SULF1: variants seen among roughly 807,000 people sequenced by gnomAD.
SULF1 encodes the protein sulfatase 1, also known as extracellular sulfatase Sulf-1.
A neutral mutation model predicts 110.5 loss-of-function variants in SULF1; 46 were observed. That is an observed-to-expected ratio of 0.42 (90% CI 0.33 to 0.53). The LOEUF is 0.53. Among genes scored for constraint, SULF1 ranks in the 20% least tolerant of loss-of-function variants. The pLI, the probability that SULF1 is intolerant of heterozygous loss-of-function variation, is 0.12. For missense variants in SULF1, 941 were observed against 1,094.2 expected, an observed-to-expected ratio of 0.86 and a Z score of 1.98; for synonymous variants, 371 against 387.1, an observed-to-expected ratio of 0.96 and a Z score of 0.49.
intron 3 of SULF1, among the ~76,000 whole-genome samples, chr8:69,516,841 G>C: frequency 6.6e-6 from 1 of 152,016 alleles, no homozygotes; most frequent in East Asian, 1.9e-4. Flanking sequence ...GATATTATAT[G>C]TTTTACAGAT....
At chr8:69,613,335 G>A (rs917015171) in intron 13 of SULF1, among the ~76,000 whole-genome samples, 2 of 137,640 alleles carry the variant, frequency 1.5e-5, no homozygotes, top group African/African-American at 5.4e-5. Flanking sequence ...TATTGTTTTG[G>A]TGTAGCCAAT....
intron 1 of SULF1, among the ~76,000 whole-genome samples, chr8:69,487,029 C>T (rs1310446070): frequency 2.6e-5 from 4 of 152,208 alleles, no homozygotes; most frequent in Non-Finnish European, 5.9e-5. Flanking sequence ...TTTCCTCCAA[C>T]AGAATGCCAG....
At chr8:69,516,687 C>T (rs953343235) in intron 3 of SULF1, among the ~76,000 whole-genome samples, 4 of 152,170 alleles carry the variant, frequency 2.6e-5, no homozygotes, top group Non-Finnish European at 5.9e-5. Flanking sequence ...TATTTCTCAA[C>T]AACTGAGATA....
intron 3 of SULF1, among the ~76,000 whole-genome samples, chr8:69,504,832 C>A (rs1385151961): frequency 6.6e-6 from 1 of 152,104 alleles, no homozygotes; most frequent in African/African-American, 2.4e-5. Flanking sequence ...TATCCACAAT[C>A]CTCCTTCTAG....
chr8:69,517,337 A>T (rs868435238), intron 3 of SULF1, among the ~76,000 whole-genome samples: 1 of 152,220 alleles, frequency 6.6e-6, no homozygotes, highest in Admixed American at 6.5e-5. Context: ...TACCATCACA[A>T]TGGCAACTAA....
chr8:69,659,029 G>A lies in SULF1; in HGVS notation c.*494G>A. 2.2e-6 allele frequency: 1 copy of A among 457,214 alleles called. No homozygotes were observed. Among genetic ancestry groups the A allele is most frequent in the Non-Finnish European group, 4.4e-6 (1 of 227,132 alleles). 28.3% of individuals were successfully genotyped at this position (457,214 alleles called of 1,614,324 possible). ...TCTGGAAACCGATTTCAGTGGCGAT[G>A]GCATGACAGAGCTAGAGCTCGGGCC... On this transcript the variant is annotated 3_prime_UTR_variant, in exon 23 of 23. Transcript: ENST00000402687.
At chr8:69,594,295 C>T (rs1483039012) in intron 8 of SULF1, among the ~76,000 whole-genome samples, 1 of 152,178 alleles carries the variant, frequency 6.6e-6, no homozygotes, top group African/African-American at 2.4e-5. Context: ...AGGTGATCCG[C>T]CCGCCTCAGG....
intron 3 of SULF1, among the ~76,000 whole-genome samples, chr8:69,535,718 C>T (rs1813388794): frequency 6.6e-6 from 1 of 152,096 alleles, no homozygotes; most frequent in Non-Finnish European, 1.5e-5. Context: ...AGGAACAACA[C>T]AACCACCCTC....
chr8:69,482,339 A>G (rs975873823), intron 1 of SULF1, among the ~76,000 whole-genome samples: 1 of 152,234 alleles, frequency 6.6e-6, no homozygotes, highest in Non-Finnish European at 1.5e-5. Context: ...TTAGTTTTAT[A>G]TAACAATTTA....
At chr8:69,650,722 G>A (rs1206571489) in intron 22 of SULF1, among the ~76,000 whole-genome samples, 2 of 152,102 alleles carry the variant, frequency 1.3e-5, no homozygotes. Context: ...TATTTATTTT[G>A]ATGATTAAAG....
chr8:69,576,019 G>T lies in SULF1; in HGVS notation c.222G>T (p.Gly74=). Residue 74 remains glycine (G), a synonymous_variant, in exon 6 of 23, where the codon GGG becomes GGT. Coordinates refer to ENST00000402687, the MANE Select transcript of SULF1 (RefSeq NM_001128205.2). ...NKTRKIMEHG[G]ATFINAFVTT... ...CGAGAAAGATTATGGAACATGGGGG[G>T]GCCACCTTCATCAATGCCTTTGTGA... 1 of 1,613,992 alleles carries T rather than the reference G, an allele frequency of 6.2e-7. No individual in the cohort carries two copies. Among genetic ancestry groups the T allele is most frequent in the Non-Finnish European group, 8.5e-7 (1 of 1,179,978 alleles).
chr8:69,591,647 A>G (rs1806915656), intron 8 of SULF1, among the ~76,000 whole-genome samples: 2 of 152,194 alleles, frequency 1.3e-5, no homozygotes, highest in South Asian at 4.1e-4. Flanking sequence ...AATATTTATC[A>G]GTGCCACATG....
chr8:69,578,890 G>A (rs956314452), intron 6 of SULF1, among the ~76,000 whole-genome samples: 6 of 152,200 alleles, frequency 3.9e-5, no homozygotes, highest in Admixed American at 6.5e-5. Flanking sequence ...GGGGCTGGGT[G>A]CGGTGGCTCA....
intron 5 of SULF1, among the ~76,000 whole-genome samples, chr8:69,564,946 C>A (rs182260781): frequency 3.9e-5 from 6 of 152,324 alleles, no homozygotes; most frequent in Admixed American, 3.3e-4. Context: ...TCAGGCATCA[C>A]CCAGCTGTGC....
At chr8:69,593,720 C>A (rs1807076142) in intron 8 of SULF1, among the ~76,000 whole-genome samples, 1 of 152,186 alleles carries the variant, frequency 6.6e-6, no homozygotes, top group African/African-American at 2.4e-5. Flanking sequence ...CTACTCATGG[C>A]CACTGAGAAA....
chr8:69,614,427 A>G (rs1016124061), intron 13 of SULF1, among the ~76,000 whole-genome samples: 13 of 152,256 alleles, frequency 8.5e-5, no homozygotes, highest in Non-Finnish European at 8.8e-5. Flanking sequence ...TAAATGAAAA[A>G]TTCATAAAGA....
intron 6 of SULF1, among the ~76,000 whole-genome samples, chr8:69,583,332 GGCA>G (rs1429769171): frequency 6.6e-6 from 1 of 151,784 alleles, no homozygotes; most frequent in Non-Finnish European, 1.5e-5. Context: ...GGGAGGCCTA[GGCA>G]GATGGATCGA....
intron 13 of SULF1, among the ~76,000 whole-genome samples, chr8:69,618,125 CA>C (rs1273753027): frequency 3.9e-5 from 6 of 152,180 alleles, no homozygotes; most frequent in African/African-American, 1.4e-4. Context: ...ATTTGAGAAC[CA>C]CTCATCTGAC....
At chr8:69,520,965 A>G (rs1185780139) in intron 3 of SULF1, among the ~76,000 whole-genome samples, 1 of 152,180 alleles carries the variant, frequency 6.6e-6, no homozygotes, top group Non-Finnish European at 1.5e-5. Context: ...CATAGTAGTT[A>G]CTAGAGACTG....
Sources: allele counts gnomAD v4.1 joint callset (sites outside exome capture counted in the v4.1 genomes callset), GRCh38; gene constraint gnomAD v4.1.1; transcripts MANE v1.5; gene names NCBI Gene and HGNC (gene_info 2026-07-23, HGNC 2026-07-21).